Variants in SOCS5 observed in about 807,000 individuals in gnomAD.
SOCS5 encodes the protein suppressor of cytokine signaling 5, also known as CIS-6.
In SOCS5, 32 loss-of-function variants were observed where a neutral mutation model predicts 42.8. That is an observed-to-expected ratio of 0.75 (90% CI 0.56 to 1.01). The LOEUF (loss-of-function observed/expected upper bound fraction) is 1.01, where lower values mean the gene tolerates loss of function less well. Ranked by LOEUF, SOCS5 falls within the 50% of genes least tolerant of loss-of-function variation. SOCS5 has a pLI of 0.00. For synonymous variants in SOCS5, 283 were observed against 229.6 expected, an observed-to-expected ratio of 1.23 and a Z score of -2.10; for missense variants, 627 against 653.0, an observed-to-expected ratio of 0.96 and a Z score of 0.43.
intron 1 of SOCS5, among the ~76,000 whole-genome samples, chr2:46,725,995 C>CT (rs558728107): frequency 6.7e-5 from 10 of 148,894 alleles, no homozygotes; most frequent in Admixed American, 2.7e-4. Flanking sequence ...TAATGCGTCA[C>CT]TTTTTTTTTT....
At chr2:46,751,674 C>T (rs1281338405) in intron 1 of SOCS5, among the ~76,000 whole-genome samples, 2 of 151,988 alleles carry the variant, frequency 1.3e-5, no homozygotes, top group African/African-American at 4.8e-5. Flanking sequence ...CTCTAGTGAT[C>T]ATCCATTTAC....
intron 1 of SOCS5, among the ~76,000 whole-genome samples, chr2:46,714,480 C>T (rs1187598091): frequency 2.0e-5 from 3 of 152,152 alleles, no homozygotes; most frequent in Non-Finnish European, 4.4e-5. Context: ...CATGATATAT[C>T]TTTTTCATCC....
intron 1 of SOCS5, among the ~76,000 whole-genome samples, chr2:46,757,230 C>CA (rs1024461920): frequency 2.4e-4 from 36 of 152,198 alleles, no homozygotes; most frequent in African/African-American, 8.7e-4. Flanking sequence ...GCGTTTATGA[C>CA]AAAAATAATT....
chr2:46,754,434 C>T (rs765104731), intron 1 of SOCS5, among the ~76,000 whole-genome samples: 1 of 151,964 alleles, frequency 6.6e-6, no homozygotes, highest in Non-Finnish European at 1.5e-5. Flanking sequence ...TATAAAACTC[C>T]CCACTCTTCC....
Position 46,758,683 on chromosome 2 carries a change from T to A in SOCS5, c.153T>A (p.Thr51=). 6.2e-7 allele frequency: 1 copy of A among 1,614,168 alleles called. No homozygotes were observed. The highest frequency in any genetic ancestry group is 8.5e-7 in the Non-Finnish European group (1 of 1,180,006). ...KEKNISIGDS[T]PQQQSSPLRE... The stretch of plus-strand genomic sequence containing the variant: ...AAAACATCAGCATAGGAGACTCAAC[T>A]CCTCAGCAACAAAGCAGTCCCTTAA... Residue 51 remains threonine, a synonymous_variant, in exon 2 of 2, where the codon ACT becomes ACA. Coordinates refer to ENST00000394861, the MANE Select transcript of SOCS5 (RefSeq NM_144949.3).
intron 1 of SOCS5, among the ~76,000 whole-genome samples, chr2:46,705,426 C>A (rs936897523): frequency 1.3e-5 from 2 of 152,124 alleles, no homozygotes; most frequent in African/African-American, 4.8e-5. Flanking sequence ...GCTTGCTTTT[C>A]GGTAGAGAGA....
At chr2:46,746,959 C>T (rs1673515409) in intron 1 of SOCS5, among the ~76,000 whole-genome samples, 1 of 94,896 alleles carries the variant, frequency 1.1e-5, no homozygotes, top group Non-Finnish European at 2.0e-5. Context: ...ATTGAGCTGG[C>T]TGTTGCATCT....
chr2:46,698,968 G>C (rs1307475169), upstream of SOCS5: 3 of 152,488 alleles, frequency 2.0e-5, no homozygotes, highest in South Asian at 4.1e-4. Context: ...CGCGCAGAGC[G>C]CGCACCCAAG....
intron 1 of SOCS5, among the ~76,000 whole-genome samples, chr2:46,708,438 C>G (rs1672543250): frequency 6.6e-6 from 1 of 152,072 alleles, no homozygotes; most frequent in Admixed American, 6.5e-5. Context: ...AAATACGGGT[C>G]TGGATCAGGA....
At chr2:46,714,577 T>C (rs1171732968) in intron 1 of SOCS5, among the ~76,000 whole-genome samples, 3 of 152,230 alleles carry the variant, frequency 2.0e-5, no homozygotes, top group Non-Finnish European at 4.4e-5. Context: ...TTTTATCTAG[T>C]CTGATAATCT....
At position 46,756,606 on chromosome 2, in the gene SOCS5, G is replaced by T. The variant is rs1394600629; in HGVS notation, c.-12-1913G>T. Among the ~76,000 whole-genome samples the T allele has an allele frequency of 2.6e-5, 4 of 152,162 alleles. No individual in the cohort carries two copies. In the East Asian group the frequency reaches 7.7e-4, roughly 29 times the overall value. ...TAGTAGCCACATGGTGGGTGGTGCT[G>T]TTTTTTGTTAAGAGTCTTGTAGTGA... On this transcript the variant is annotated intron_variant, in intron 1 of 1. Coordinates refer to ENST00000394861, the MANE Select transcript of SOCS5 (RefSeq NM_144949.3).
chr2:46,705,010 T>C (rs993706117), intron 1 of SOCS5, among the ~76,000 whole-genome samples: 13 of 152,172 alleles, frequency 8.5e-5, no homozygotes, highest in Admixed American at 4.6e-4. Context: ...GCTGGGAAGA[T>C]GGCACACTCC....
chr2:46,726,700 C>G (rs1012003035), intron 1 of SOCS5, among the ~76,000 whole-genome samples: 1 of 151,544 alleles, frequency 6.6e-6, no homozygotes, highest in South Asian at 2.1e-4. Flanking sequence ...TTAAGCCCAT[C>G]CAGTGATTAA....
intron 1 of SOCS5, among the ~76,000 whole-genome samples, chr2:46,724,057 A>G (rs990829921): frequency 2.6e-5 from 4 of 151,944 alleles, no homozygotes; most frequent in African/African-American, 4.8e-5. Flanking sequence ...CTGACTGTTC[A>G]TTGGTAATAT....
chr2:46,759,457 A>G lies in SOCS5; in HGVS notation c.927A>G (p.Glu309=). The part of the protein sequence containing the change: ...LGPKLAPGMT[E]ISGDSSAIPQ... ...CAAAATTAGCTCCTGGAATGACTGAAATAAGTGGGGACAGTTCTGCAATTC... is the reference window on the plus strand; with the variant it reads ...CAAAATTAGCTCCTGGAATGACTGAGATAAGTGGGGACAGTTCTGCAATTC... The change falls in exon 2 of 2, where the codon GAA becomes GAG. Residue 309 remains glutamate (E), a synonymous_variant. Transcript: ENST00000394861. The G allele has an allele frequency of 1.9e-6, 3 of 1,613,984 alleles. No individual in the cohort carries two copies. The South Asian group carries it at 3.3e-5, about 18-fold the overall frequency.
intron 1 of SOCS5, among the ~76,000 whole-genome samples, chr2:46,712,852 T>C (rs967849133): frequency 1.3e-5 from 2 of 152,224 alleles, no homozygotes; most frequent in African/African-American, 2.4e-5. Flanking sequence ...AATGAGGGAT[T>C]ATTCTTGGTC....
At chr2:46,707,786 G>A (rs567693898) in intron 1 of SOCS5, among the ~76,000 whole-genome samples, 2 of 152,194 alleles carry the variant, frequency 1.3e-5, no homozygotes, top group South Asian at 4.2e-4. Flanking sequence ...ACTTACAATG[G>A]GGTTAGTCCT....
intron 1 of SOCS5, among the ~76,000 whole-genome samples, chr2:46,703,286 A>G (rs952395361): frequency 1.3e-5 from 2 of 151,812 alleles, no homozygotes; most frequent in Non-Finnish European, 2.9e-5. Flanking sequence ...TACCTGGGCC[A>G]GCTATTGAGT....
At chr2:46,724,627 C>T (rs144270626) in intron 1 of SOCS5, among the ~76,000 whole-genome samples, 2,292 of 151,950 alleles carry the variant, frequency 0.015, 65 homozygotes, top group African/African-American at 0.052. Flanking sequence ...TCCTTTTTGA[C>T]TTGTGGATTA....
Sources: gnomAD v4.1 joint callset for allele counts (sites outside exome capture counted in the v4.1 genomes callset) on GRCh38, gnomAD v4.1.1 for gene constraint, MANE v1.5 for transcripts, NCBI Gene and HGNC (gene_info 2026-07-23, HGNC 2026-07-21) for gene names.